Variants in DIDO1 observed in about 807,000 individuals in gnomAD.
The protein encoded by DIDO1 is death-inducer obliterator 1.
In DIDO1, 16 loss-of-function variants were observed where a neutral mutation model predicts 99.4. The observed-to-expected ratio is 0.16, with a 90% CI of 0.11 to 0.24. DIDO1 has a LOEUF of 0.24. Among genes scored for constraint, DIDO1 ranks in the 10% least tolerant of loss-of-function variants. DIDO1 has a pLI of 1.00. For synonymous variants in DIDO1, 1,366 were observed against 1,239.1 expected (o/e 1.10, Z -2.15); for missense variants, 2,996 against 3,014.0 (o/e 0.99, Z 0.14).
intron 1 of DIDO1, among the ~76,000 whole-genome samples, chr20:62,935,168 C>G (rs999191588): frequency 1.3e-5 from 2 of 152,182 alleles, no homozygotes; most frequent in Non-Finnish European, 2.9e-5. Flanking sequence ...CTGGGCTACT[C>G]ACCCGCATCA....
In DIDO1 at chr20:62,877,966, G is replaced by A. The variant is rs180942415; in HGVS notation, c.*1267C>T. ...TTCTCATCGTACTAGATGTTGGAACGTGACACCTACTTTAATGTAATTTAA... is the reference window on the plus strand; with the variant it reads ...TTCTCATCGTACTAGATGTTGGAACATGACACCTACTTTAATGTAATTTAA... On this transcript the variant is annotated 3_prime_UTR_variant, in exon 16 of 16. Transcript: ENST00000395343. 1 of 152,248 alleles carries A rather than the reference G, an allele frequency of 6.6e-6. No individual in the cohort carries two copies. Among genetic ancestry groups the A allele is most frequent in the African/African-American group, 2.4e-5 (1 of 41,548 alleles). The allele number at this position is 152,248 out of a possible 1,614,324, so 9.4% of individuals were successfully genotyped here.
chr20:62,912,923 T>C (rs1024071373), intron 2 of DIDO1, among the ~76,000 whole-genome samples: 2 of 152,082 alleles, frequency 1.3e-5, no homozygotes, highest in East Asian at 1.9e-4. Context: ...TCCCAGATAC[T>C]TGGGAGGCTG....
intron 1 of DIDO1, among the ~76,000 whole-genome samples, chr20:62,936,492 T>C (rs1174986642): frequency 1.3e-5 from 2 of 149,002 alleles, no homozygotes; most frequent in Non-Finnish European, 3.0e-5. Flanking sequence ...GAGGCGGAGG[T>C]TGCAGTGAGT....
chr20:62,904,807 A>AAAAG (rs1568859998), intron 6 of DIDO1, among the ~76,000 whole-genome samples: 1 of 141,706 alleles, frequency 7.1e-6, no homozygotes, highest in Non-Finnish European at 1.5e-5. Context: ...AAAAAAAAAA[A>AAAAG]GTGTCTTTTT....
chr20:62,930,552 A>C (rs1030317967), upstream of DIDO1, among the ~76,000 whole-genome samples: 3 of 152,268 alleles, frequency 2.0e-5, no homozygotes, highest in Non-Finnish European at 4.4e-5. Flanking sequence ...TATGAGAATC[A>C]TACCAATTTT....
At position 62,911,541 on chromosome 20, in the gene DIDO1, C is replaced by T. The variant is rs2064941662; in HGVS notation, c.72G>A (p.Arg24=). 1 of 1,612,214 alleles carries T rather than the reference C, an allele frequency of 6.2e-7. No homozygotes were observed. Among genetic ancestry groups the T allele is most frequent in the Non-Finnish European group, 8.5e-7 (1 of 1,179,076 alleles). The change falls in exon 3 of 16, where the codon AGG becomes AGA. Residue 24 remains arginine, a synonymous_variant. Coordinates refer to ENST00000395343, the MANE Select transcript of DIDO1 (RefSeq NM_001193369.2). This position sits in a 1 kb window ranked among gnomAD's most constrained non-coding sequence, Gnocchi z 7.0. ...TGGTCCTTCGAAAACCCCATGTTTTCCTGAACTCTTTGCTGGTGGGTTTGA... is the reference window on the plus strand; with the variant it reads ...TGGTCCTTCGAAAACCCCATGTTTTTCTGAACTCTTTGCTGGTGGGTTTGA... The part of the protein sequence containing the change: ...KAIKPTSKEF[R]KTWGFRRTTI...
intron 15 of DIDO1, among the ~76,000 whole-genome samples, chr20:62,884,955 C>A (rs182027568): frequency 4.1e-4 from 62 of 152,358 alleles, no homozygotes; most frequent in African/African-American, 1.4e-3. Context: ...AGTTCATGTT[C>A]TGCTTAACAT....
At chr20:62,895,900 G>A (rs1028128279) in intron 8 of DIDO1, among the ~76,000 whole-genome samples, 2 of 152,208 alleles carry the variant, frequency 1.3e-5, no homozygotes, top group Non-Finnish European at 2.9e-5. Flanking sequence ...CTCATACACT[G>A]GGATGAAGAA....
chr20:62,902,687 G>A (rs2064710740), intron 6 of DIDO1, among the ~76,000 whole-genome samples: 1 of 152,178 alleles, frequency 6.6e-6, no homozygotes, highest in Admixed American at 6.5e-5. Flanking sequence ...CACCCCACCA[G>A]GGCCATCTCT....
intron 4 of DIDO1, among the ~76,000 whole-genome samples, chr20:62,907,940 A>G (rs1248893621): frequency 6.6e-6 from 1 of 152,172 alleles, no homozygotes; most frequent in Non-Finnish European, 1.5e-5. Flanking sequence ...AACAATGAGT[A>G]ATTTTTCAGT....
intron 1 of DIDO1, among the ~76,000 whole-genome samples, chr20:62,931,615 C>T (rs1429863897): frequency 2.0e-5 from 3 of 152,278 alleles, no homozygotes; most frequent in South Asian, 4.1e-4. Context: ...AACCCATAGA[C>T]GACTGAATTC....
chr20:62,935,495 G>A (rs901784801), intron 1 of DIDO1, among the ~76,000 whole-genome samples: 1 of 152,180 alleles, frequency 6.6e-6, no homozygotes, highest in Non-Finnish European at 1.5e-5. Flanking sequence ...ATAAAGGAAA[G>A]GCACTCAATC....
chr20:62,896,467 G>A lies in DIDO1; in HGVS notation c.2054+64C>T. 6.3e-6 allele frequency: 10 copies of A among 1,587,180 alleles called. No homozygotes were observed. The highest frequency in any genetic ancestry group is 8.5e-6 in the Non-Finnish European group (10 of 1,169,678). On this transcript the variant is annotated intron_variant, in intron 7 of 15. Coordinates refer to ENST00000395343, the MANE Select transcript of DIDO1 (RefSeq NM_001193369.2). This position sits in a 1 kb window ranked among gnomAD's most constrained non-coding sequence, Gnocchi z 4.4. ...ACTTTTTGAACAGTGAGGCAATCCT[G>A]CAGCCACACTCTAATGAAAGCCCTT...
intron 1 of DIDO1, among the ~76,000 whole-genome samples, chr20:62,923,945 T>C (rs2065204896): frequency 6.6e-6 from 1 of 152,224 alleles, no homozygotes; most frequent in Non-Finnish European, 1.5e-5. Context: ...TACAATTACC[T>C]ATTCAACTTC....
chr20:62,901,134 AAC>A (rs1178852306), intron 6 of DIDO1, among the ~76,000 whole-genome samples: 1 of 152,240 alleles, frequency 6.6e-6, no homozygotes, highest in Non-Finnish European at 1.5e-5. Flanking sequence ...GTTGCGGGGA[AAC>A]AGTTACTTCC....
At chr20:62,904,052 G>A (rs956748310) in intron 6 of DIDO1, among the ~76,000 whole-genome samples, 4 of 152,206 alleles carry the variant, frequency 2.6e-5, no homozygotes, top group Admixed American at 2.6e-4. Flanking sequence ...CACATGTGGA[G>A]TCTCTGGCAG....
Position 62,880,641 on chromosome 20 carries a change from G to A in DIDO1, c.5315C>T (p.Pro1772Leu), listed in dbSNP as rs767889132. Residue 1772 changes from proline to leucine, a missense_variant, in exon 16 of 16, where the codon CCG becomes CTG. Pro to Leu is a moderately conservative substitution (Grantham distance 98). Coordinates refer to ENST00000395343, the MANE Select transcript of DIDO1 (RefSeq NM_001193369.2). ...CGGAGGGGCTGGCCCCCTTGGTCCCGGGAAATTGGGGCCGTGAAGCCCTGA... is the reference window on the plus strand; with the variant it reads ...CGGAGGGGCTGGCCCCCTTGGTCCCAGGAAATTGGGGCCGTGAAGCCCTGA... Reference protein sequence around the residue: ...GMSGLHGPNFPGPRGPAPPFP... With the variant: ...GMSGLHGPNFLGPRGPAPPFP... 2.5e-6 allele frequency: 4 copies of A among 1,612,852 alleles called. No homozygotes were observed. Among genetic ancestry groups the A allele is most frequent in the East Asian group, 2.2e-5 (1 of 44,876 alleles).
intron 15 of DIDO1, among the ~76,000 whole-genome samples, chr20:62,883,619 G>T (rs1316004008): frequency 6.6e-6 from 1 of 152,212 alleles, no homozygotes; most frequent in Non-Finnish European, 1.5e-5. Context: ...GAGGTCAAGA[G>T]ATCAAGACCA....
At position 62,894,702 on chromosome 20, in the gene DIDO1, A is replaced by C. The variant is rs996205864; in HGVS notation, c.2436+108T>G. 3.5e-6 allele frequency: 5 copies of C among 1,411,192 alleles called. No individual in the cohort carries two copies. The highest frequency in any genetic ancestry group is 4.8e-6 in the Non-Finnish European group (5 of 1,042,336). The allele number at this position is 1,411,192 out of a possible 1,614,324, so 87.4% of individuals were successfully genotyped here. A position where few individuals can be genotyped will look rare whatever the true frequency, so the allele number is the denominator to read the frequency against. On this transcript the variant is annotated intron_variant, in intron 10 of 15. Coordinates refer to ENST00000395343, the MANE Select transcript of DIDO1 (RefSeq NM_001193369.2). The surrounding 1 kb of genome is among the most constrained non-coding windows in gnomAD (Gnocchi z 4.4). ...AAGGACTGAGGAATGCCACAATGAC[A>C]TACACCTGCTGTAAGCTCAGGTCCT... is the stretch of plus-strand genomic sequence containing the variant.
Sources: gnomAD v4.1 joint callset for allele counts (sites outside exome capture counted in the v4.1 genomes callset) on GRCh38, gnomAD v4.1.1 for gene constraint, Gnocchi (gnomAD v3.1) non-coding constraint, MANE v1.5 for transcripts, NCBI Gene and HGNC (gene_info 2026-07-23, HGNC 2026-07-21) for gene names.